Variants in ZNF638 observed in about 807,000 individuals in gnomAD.
The protein encoded by ZNF638 is zinc finger protein 638, also known as CTCL tumor antigen se33-1.
A neutral mutation model predicts 195.6 loss-of-function variants in ZNF638; 46 were observed. The observed-to-expected ratio is 0.24, with a 90% CI of 0.19 to 0.30. The LOEUF is 0.30. Ranked by LOEUF, ZNF638 falls within the 10% of genes least tolerant of loss-of-function variation. ZNF638 has a pLI of 1.00. For missense variants in ZNF638, 2,440 were observed against 2,325.3 expected, an observed-to-expected ratio of 1.05 and a Z score of -1.01; for synonymous variants, 845 against 772.0, an observed-to-expected ratio of 1.09 and a Z score of -1.57.
At chr2:71,397,541 C>G (rs2079918429) in intron 11 of ZNF638, among the ~76,000 whole-genome samples, 1 of 152,068 alleles carries the variant, frequency 6.6e-6, no homozygotes, top group Admixed American at 6.5e-5. Context: ...TCATAACGTT[C>G]CTGTTAGGTA....
At chr2:71,378,339 A>G (rs72911440) in intron 8 of ZNF638, among the ~76,000 whole-genome samples, 62 of 152,354 alleles carry the variant, frequency 4.1e-4, no homozygotes, top group African/African-American at 1.5e-3. Context: ...GAATAGCACT[A>G]GAACTAATTT....
rs1003999138 is a variant in ZNF638 at position 71,426,498 on chromosome 2, T to G, written c.4629T>G (p.Thr1543=). 3 of 1,590,948 alleles carry G rather than the reference T, an allele frequency of 1.9e-6. No homozygotes were observed. The highest frequency in any genetic ancestry group is 1.7e-6 in the Non-Finnish European group (2 of 1,173,200). The change falls in exon 24 of 28, where the codon ACT becomes ACG. Residue 1543 remains threonine, a synonymous_variant. Transcript: ENST00000264447. The part of the protein sequence containing the change: ...LFPFNLDEFV[T]VDEVIEEVNP... ...CATTTAATTTGGATGAATTTGTTAC[T>G]GTGGATGAGGTTATAGAAGAAGTGA...
chr2:71,404,418 ACT>A (rs779772244), intron 17 of ZNF638, among the ~76,000 whole-genome samples: 34 of 151,568 alleles, frequency 2.2e-4, no homozygotes, highest in Non-Finnish European at 3.2e-4. Flanking sequence ...TCTCTTAAAA[ACT>A]CTTACTGGTC....
At chr2:71,371,549 G>T (rs2079313377) in intron 8 of ZNF638, among the ~76,000 whole-genome samples, 1 of 152,132 alleles carries the variant, frequency 6.6e-6, no homozygotes, top group Non-Finnish European at 1.5e-5. Flanking sequence ...TTTAACCGGG[G>T]TAAGATGGTA....
intron 1 of ZNF638, chr2:71,341,737 A>G (rs543033607): frequency 2.0e-5 from 3 of 152,364 alleles, no homozygotes; most frequent in South Asian, 2.1e-4. Flanking sequence ...ATGACTATCC[A>G]TAAATCTTCC....
rs201804622 is a variant in ZNF638, at chr2:71,364,012, C to T, written c.1477C>T (p.Pro493Ser). 544 of 1,614,056 alleles carry T rather than the reference C, an allele frequency of 3.4e-4. No individual in the cohort carries two copies. The highest frequency in any genetic ancestry group is 4.2e-4 in the Non-Finnish European group (500 of 1,180,042). The change falls in exon 5 of 28, where the codon CCT becomes TCT. Residue 493 changes from proline to serine, a missense_variant. Pro to Ser is a moderately conservative substitution (Grantham distance 74). Coordinates refer to ENST00000264447, the MANE Select transcript of ZNF638 (RefSeq NM_014497.5). ...ACGAAGACGTTCTCATTCCCCCAGT[C>T]CTAGGCGTTCTAGAAGATCAAGCTC... ...TPRRRSHSPS[P>S]RRSRRSSSSH...
intron 10 of ZNF638, among the ~76,000 whole-genome samples, chr2:71,383,553 C>T: frequency 7.4e-6 from 1 of 134,982 alleles, no homozygotes; most frequent in Admixed American, 8.5e-5. Context: ...GCTTTTCTTC[C>T]TGGGTGGTTT....
intron 4 of ZNF638, 98 bp downstream of exon 4, chr2:71,363,289 C>A: frequency 2.1e-6 from 2 of 936,258 alleles, no homozygotes; most frequent in Non-Finnish European, 3.2e-6. Context: ...CTACTTCTGC[C>A]ATTTAAACAA....
intron 11 of ZNF638, among the ~76,000 whole-genome samples, chr2:71,398,211 A>T (rs1314111503): frequency 2.0e-5 from 3 of 152,138 alleles, no homozygotes; most frequent in African/African-American, 4.8e-5. Flanking sequence ...CAGATTTTGG[A>T]ATATTTGCAT....
At position 71,423,613 on chromosome 2, in the gene ZNF638, G is replaced by C. The variant is rs760889885; in HGVS notation, c.4099G>C (p.Val1367Leu). ...TLFKAYPNKG[V>L]GQANKPDETS... ...ATTCAAGGCATACCCAAATAAAGGA[G>C]TGGGTCAGGCTAATAAGCCTGATGA... The change falls in exon 22 of 28, where the codon GTG (valine) becomes CTG (leucine). Residue 1367 changes from valine to leucine, a missense_variant. Physicochemically the swap from Val to Leu is conservative, Grantham distance 32. Coordinates refer to ENST00000264447, the MANE Select transcript of ZNF638 (RefSeq NM_014497.5). The C allele has an allele frequency of 6.2e-7, 1 of 1,613,924 alleles. No individual in the cohort carries two copies. The highest frequency in any genetic ancestry group is 8.5e-7 in the Non-Finnish European group (1 of 1,180,022).
chr2:71,416,773 TC>T (rs1336102704), intron 20 of ZNF638, among the ~76,000 whole-genome samples: 1 of 83,892 alleles, frequency 1.2e-5, no homozygotes, highest in Non-Finnish European at 2.2e-5. Context: ...GGGGGGTGCC[TC>T]CCAGTTAGGC....
intron 25 of ZNF638, chr2:71,431,103 T>C: frequency 4.9e-6 from 2 of 407,950 alleles, no homozygotes; most frequent in Non-Finnish European, 9.1e-6. Context: ...ATAAATAAAA[T>C]TTGCTGTTAG....
In ZNF638 at chr2:71,423,197, G is replaced by A. The variant is rs372941347; in HGVS notation, c.3683G>A (p.Ser1228Asn). 1.2e-6 allele frequency: 2 copies of A among 1,614,030 alleles called. No homozygotes were observed. Among genetic ancestry groups the A allele is most frequent in the Non-Finnish European group, 1.7e-6 (2 of 1,180,008 alleles). The change falls in exon 22 of 28, where the codon AGT becomes AAT. Residue 1228 changes from serine to asparagine, a missense_variant. Coordinates refer to ENST00000264447, the MANE Select transcript of ZNF638 (RefSeq NM_014497.5). ...AAAACAGCATTGTTACCATCTGACAGTGTGTTTGCAGAAGAAAGGAACCTC... is the reference window on the plus strand; with the variant it reads ...AAAACAGCATTGTTACCATCTGACAATGTGTTTGCAGAAGAAAGGAACCTC... ...NPKTALLPSD[S>N]VFAEERNLKG... is the part of the protein sequence containing the mutation.
chr2:71,406,059 T>C (rs2080099436), intron 18 of ZNF638, 69 bp from the exon 19 acceptor site: 2 of 1,569,530 alleles, frequency 1.3e-6, no homozygotes, highest in South Asian at 1.1e-5. Context: ...AGTAAGTTAA[T>C]GTTAATCTGT....
intron 8 of ZNF638, among the ~76,000 whole-genome samples, chr2:71,372,121 A>T (rs1164102741): frequency 1.3e-5 from 2 of 152,114 alleles, no homozygotes; most frequent in Non-Finnish European, 2.9e-5. Flanking sequence ...TCATTAATGC[A>T]TATGGATATC....
At chr2:71,409,828 TTTCA>T (rs1326552995) in intron 20 of ZNF638, among the ~76,000 whole-genome samples, 1 of 152,224 alleles carries the variant, frequency 6.6e-6, no homozygotes, top group Non-Finnish European at 1.5e-5. Flanking sequence ...TTTGGTTTTC[TTTCA>T]TTGTTTTTCT....
intron 8 of ZNF638, among the ~76,000 whole-genome samples, chr2:71,372,121 A>G (rs1164102741): frequency 6.6e-6 from 1 of 152,114 alleles, no homozygotes; most frequent in African/African-American, 2.4e-5. Flanking sequence ...TCATTAATGC[A>G]TATGGATATC....
At chr2:71,407,344 A>G (rs749135437) in intron 19 of ZNF638, 31 of 152,154 alleles carry the variant, frequency 2.0e-4, no homozygotes, top group Non-Finnish European at 2.6e-4. Flanking sequence ...AACATTTTTA[A>G]TCCTCTATTT....
intron 1 of ZNF638, among the ~76,000 whole-genome samples, chr2:71,346,687 A>G (rs2078855291): frequency 6.6e-6 from 1 of 152,116 alleles, no homozygotes; most frequent in South Asian, 2.1e-4. Flanking sequence ...TGTGAGTGCA[A>G]AAACATAAGA....
Sources: gnomAD v4.1 joint callset for allele counts (sites outside exome capture counted in the v4.1 genomes callset) on GRCh38, gnomAD v4.1.1 for gene constraint, MANE v1.5 for transcripts, NCBI Gene and HGNC (gene_info 2026-07-23, HGNC 2026-07-21) for gene names.